Variants in ENOX1 observed in about 807,000 individuals in gnomAD.
ENOX1 encodes the protein ecto-NOX disulfide-thiol exchanger 1.
Under a neutral mutation model 82.5 loss-of-function variants are expected in ENOX1, and 42 were observed. The observed-to-expected ratio is 0.51, with a 90% CI of 0.40 to 0.66. ENOX1 has a LOEUF of 0.66. Among genes scored for constraint, ENOX1 ranks in the 30% least tolerant of loss-of-function variants. ENOX1 has a pLI of 0.00. For missense variants in ENOX1, 608 were observed against 811.6 expected (o/e 0.75, Z 3.05); for synonymous variants, 271 against 282.2 (o/e 0.96, Z 0.40).
chr13:43,351,406 TATTTA>T (rs964861758), intron 8 of ENOX1, among the ~76,000 whole-genome samples: 8 of 135,796 alleles, frequency 5.9e-5, no homozygotes, highest in African/African-American at 1.4e-4. Flanking sequence ...TTATTTTATT[TATTTA>T]TTTTATTTAT....
chr13:43,756,969 C>CAAAAAAAA (rs1408849152), intron 1 of ENOX1, among the ~76,000 whole-genome samples: 11 of 41,474 alleles, frequency 2.7e-4, no homozygotes, highest in East Asian at 7.1e-4. Flanking sequence ...ACAAAAACAA[C>CAAAAAAAA]AACAAAAAAA....
intron 2 of ENOX1, among the ~76,000 whole-genome samples, chr13:43,498,396 A>G (rs1445476427): frequency 6.6e-6 from 1 of 152,096 alleles, no homozygotes; most frequent in African/African-American, 2.4e-5. Context: ...AAAATGTTAG[A>G]AAATAATGAT....
chr13:43,636,899 T>C (rs568729442), intron 2 of ENOX1, among the ~76,000 whole-genome samples: 46 of 152,280 alleles, frequency 3.0e-4, no homozygotes, highest in African/African-American at 1.0e-3. Context: ...CTATGTTCCA[T>C]AGTGCACTAG....
chr13:43,741,249 T>C (rs949658350), intron 1 of ENOX1, among the ~76,000 whole-genome samples: 1 of 152,076 alleles, frequency 6.6e-6, no homozygotes, highest in Non-Finnish European at 1.5e-5. Flanking sequence ...CACGCCTGGC[T>C]AAATTTTGTA....
chr13:43,563,222 AAAC>A (rs1375329435), intron 2 of ENOX1, among the ~76,000 whole-genome samples: 3 of 152,184 alleles, frequency 2.0e-5, no homozygotes, highest in African/African-American at 7.2e-5. Context: ...ACTAGAAACC[AAAC>A]AACAAGAGGA....
chr13:43,402,893 G>A (rs902383696), intron 5 of ENOX1, among the ~76,000 whole-genome samples: 1 of 151,872 alleles, frequency 6.6e-6, no homozygotes, highest in African/African-American at 2.4e-5. Flanking sequence ...TCTGAGCAGA[G>A]GATGCATTTC....
rs1396226240 is a variant in ENOX1 at position 43,688,784 on chromosome 13, G to A, written c.-284-21240C>T. 2.6e-5 allele frequency among the ~76,000 whole-genome samples: 4 copies of A among 152,230 alleles called. No individual in the cohort carries two copies. In the South Asian group the frequency reaches 8.3e-4, roughly 32 times the overall value. ...GAAGGAGCAGGGTCAGAGGGAAGGA[G>A]GCAGTGACCAGTTTTAGACAAGCTG... On this transcript the variant is annotated intron_variant, in intron 1 of 16. Coordinates refer to ENST00000690772, the MANE Select transcript of ENOX1 (RefSeq NM_001347969.2).
At chr13:43,280,812 GAGA>G (rs1369080102) in intron 12 of ENOX1, among the ~76,000 whole-genome samples, 11 of 152,326 alleles carry the variant, frequency 7.2e-5, no homozygotes, top group Admixed American at 4.6e-4. Flanking sequence ...AGGGTAAAGA[GAGA>G]AGAATAGCTC....
chr13:43,434,936 GGTTTT>G (rs1225290177), intron 3 of ENOX1, among the ~76,000 whole-genome samples: 4 of 67,844 alleles, frequency 5.9e-5, no homozygotes, highest in African/African-American at 1.8e-4. Context: ...GTGTGTGTGT[GGTTTT>G]TTTTTTTTTT....
chr13:43,268,039 T>C (rs2044483606), intron 13 of ENOX1, among the ~76,000 whole-genome samples: 1 of 152,210 alleles, frequency 6.6e-6, no homozygotes, highest in South Asian at 2.1e-4. Context: ...CACAACAAGA[T>C]ATATCAATAC....
At chr13:43,343,116 C>G (rs1013316921) in intron 9 of ENOX1, among the ~76,000 whole-genome samples, 18 of 152,202 alleles carry the variant, frequency 1.2e-4, no homozygotes, top group African/African-American at 4.1e-4. Flanking sequence ...TTTCACTGTT[C>G]AGGCATATGA....
chr13:43,642,636 C>A (rs557029927), intron 2 of ENOX1, among the ~76,000 whole-genome samples: 1 of 152,220 alleles, frequency 6.6e-6, no homozygotes, highest in Admixed American at 6.5e-5. Flanking sequence ...ACCAATTTGC[C>A]CCAATGTTCA....
intron 11 of ENOX1, among the ~76,000 whole-genome samples, chr13:43,317,122 G>A (rs1279941189): frequency 3.3e-5 from 5 of 152,188 alleles, no homozygotes; most frequent in East Asian, 1.9e-4. Context: ...GCTGGCGCCC[G>A]GAGCTCAGAT....
At chr13:43,405,970 G>A (rs1016272185) in intron 5 of ENOX1, among the ~76,000 whole-genome samples, 7 of 152,046 alleles carry the variant, frequency 4.6e-5, no homozygotes, top group South Asian at 2.1e-4. Flanking sequence ...TGTTTCTCCC[G>A]CCACTCTAAA....
intron 2 of ENOX1, among the ~76,000 whole-genome samples, chr13:43,494,620 A>G (rs2076732542): frequency 6.6e-6 from 1 of 152,232 alleles, no homozygotes; most frequent in Non-Finnish European, 1.5e-5. Flanking sequence ...GATGAGACAA[A>G]TCATGACACA....
intron 2 of ENOX1, among the ~76,000 whole-genome samples, chr13:43,610,311 T>G (rs1041353753): frequency 6.6e-6 from 1 of 152,222 alleles, no homozygotes; most frequent in Non-Finnish European, 1.5e-5. Flanking sequence ...ACTTTTCTTG[T>G]GCTGTGTATT....
At chr13:43,601,783 G>A (rs553866365) in intron 2 of ENOX1, among the ~76,000 whole-genome samples, 7 of 152,218 alleles carry the variant, frequency 4.6e-5, no homozygotes, top group South Asian at 2.1e-4. Context: ...CAGGGATAAG[G>A]AAAGGATTCT....
chr13:43,445,349 T>G lies in ENOX1; in HGVS notation c.-74-32361A>C, dbSNP rs57102950. On this transcript the variant is annotated intron_variant, in intron 3 of 16. Transcript: ENST00000690772. ...CGTGTTAGCCAGGATGGTCTTGATC[T>G]CCTGACCTCGTGATCTGCCCGCCTT... 3.3e-3 allele frequency among the ~76,000 whole-genome samples: 504 copies of G among 152,208 alleles called. 10 individuals are homozygous for G. The East Asian group carries it at 0.035, about 10-fold the overall frequency.
chr13:43,356,092 T>C lies in ENOX1; in HGVS notation c.650A>G (p.Asp217Gly). ...DKKDSGRLHV[D>G]FAQARDDFYE... ...GAAGTCATCCCTGGCCTGGGCAAAGTCCACATGAAGGCGGCCTGAATCCTT... is the reference window on the plus strand; with the variant it reads ...GAAGTCATCCCTGGCCTGGGCAAAGCCCACATGAAGGCGGCCTGAATCCTT... Residue 217 changes from aspartate (D) to glycine (G), a missense_variant, in exon 8 of 17, where the codon GAC (aspartate) becomes GGC (glycine). Asp to Gly is a moderately conservative substitution (Grantham distance 94). Transcript: ENST00000690772. The C allele has an allele frequency of 6.2e-7, 1 of 1,614,146 alleles. No homozygotes were observed.
Sources: allele counts gnomAD v4.1 joint callset (sites outside exome capture counted in the v4.1 genomes callset), GRCh38; gene constraint gnomAD v4.1.1; transcripts MANE v1.5; gene names NCBI Gene and HGNC (gene_info 2026-07-23, HGNC 2026-07-21).